Variants in RPSA2 observed in about 807,000 individuals in gnomAD.
RPSA2 encodes the protein ribosomal protein SA 2, also known as small ribosomal subunit protein uS2B.
chr19:23,769,986 G>T, the RPSA2 span, among the ~76,000 whole-genome samples: 1 of 152,124 alleles, frequency 6.6e-6, no homozygotes, highest in Non-Finnish European at 1.5e-5. Flanking sequence ...ACATATCACT[G>T]GGCCCAGCAC....
At chr19:23,836,985 A>G in the RPSA2 span, among the ~76,000 whole-genome samples, 1,656 of 152,144 alleles carry the variant, frequency 0.011, 33 homozygotes, top group African/African-American at 0.038. Context: ...TTTTTAGTTT[A>G]ATTAGGTCCC....
chr19:23,830,111 A>AT, the RPSA2 span, among the ~76,000 whole-genome samples: 26 of 150,124 alleles, frequency 1.7e-4, no homozygotes, highest in Admixed American at 5.3e-4. Context: ...CTTAATAGGT[A>AT]TTTTTTTTAA....
chr19:23,852,748 C>T, the RPSA2 span, among the ~76,000 whole-genome samples: 2 of 152,260 alleles, frequency 1.3e-5, no homozygotes, highest in Non-Finnish European at 1.5e-5. Context: ...AGTCTTGGGG[C>T]CAGTTTATGG....
the RPSA2 span, among the ~76,000 whole-genome samples, chr19:23,865,093 C>T: frequency 2.0e-5 from 3 of 152,074 alleles, no homozygotes; most frequent in African/African-American, 4.8e-5. Context: ...AGGAAGTGAA[C>T]GAGGAAGATC....
chr19:23,798,351 G>A, the RPSA2 span, among the ~76,000 whole-genome samples: 1 of 152,128 alleles, frequency 6.6e-6, no homozygotes, highest in Non-Finnish European at 1.5e-5. Flanking sequence ...AGCAAAAATA[G>A]TACAGTTTAT....
chr19:23,841,395 C>T, the RPSA2 span, among the ~76,000 whole-genome samples: 62 of 152,126 alleles, frequency 4.1e-4, no homozygotes, highest in Admixed American at 3.3e-3. Context: ...ACCTGAGGGG[C>T]GGAGCTTGCA....
the RPSA2 span, among the ~76,000 whole-genome samples, chr19:23,824,978 T>C: frequency 6.6e-6 from 1 of 151,848 alleles, no homozygotes; most frequent in African/African-American, 2.4e-5. Flanking sequence ...TTTGTTTTTG[T>C]TTTTGTTTTT....
chr19:23,852,093 T>A, the RPSA2 span, among the ~76,000 whole-genome samples: 2 of 152,152 alleles, frequency 1.3e-5, no homozygotes, highest in African/African-American at 4.8e-5. Flanking sequence ...AAGCGAAAAC[T>A]AGAAGCTGAA....
chr19:23,787,740 A>AT, the RPSA2 span, among the ~76,000 whole-genome samples: 3 of 152,126 alleles, frequency 2.0e-5, no homozygotes, highest in South Asian at 2.1e-4. Context: ...CATATGGTTG[A>AT]TTTTTTTCTT....
chr19:23,859,876 T>G, the RPSA2 span, among the ~76,000 whole-genome samples: 1 of 152,176 alleles, frequency 6.6e-6, no homozygotes, highest in Non-Finnish European at 1.5e-5. Context: ...AAAACCCTGT[T>G]AGGGAAGATT....
chr19:23,849,401 C>A, the RPSA2 span, among the ~76,000 whole-genome samples: 1 of 152,130 alleles, frequency 6.6e-6, no homozygotes, highest in East Asian at 1.9e-4. Flanking sequence ...AGATTGGCAT[C>A]AAAAAGAGGA....
At chr19:23,846,115 G>C in the RPSA2 span, among the ~76,000 whole-genome samples, 1 of 152,004 alleles carries the variant, frequency 6.6e-6, no homozygotes, top group Non-Finnish European at 1.5e-5. Context: ...TTTAAAGTCT[G>C]TTTTATTTGA....
the RPSA2 span, chr19:23,843,314 G>A: frequency 6.1e-6 from 1 of 163,752 alleles, no homozygotes; most frequent in Non-Finnish European, 1.4e-5. Context: ...ACAGACAAGA[G>A]GTACAAAGGT....
At chr19:23,869,438 T>C in the RPSA2 span, among the ~76,000 whole-genome samples, 4 of 152,286 alleles carry the variant, frequency 2.6e-5, no homozygotes, top group South Asian at 4.1e-4. Flanking sequence ...GCTGACTATA[T>C]GGAATGGATT....
At chr19:23,862,132 T>C in the RPSA2 span, among the ~76,000 whole-genome samples, 2 of 152,296 alleles carry the variant, frequency 1.3e-5, no homozygotes, top group African/African-American at 2.4e-5. Context: ...TTATTCTCTT[T>C]GAAGCAATTG....
At chr19:23,832,585 G>C in the RPSA2 span, 3 of 1,174,330 alleles carry the variant, frequency 2.6e-6, no homozygotes, top group African/African-American at 3.1e-5. Context: ...CTTTTAGCCA[G>C]TCCCCATACC....
the RPSA2 span, among the ~76,000 whole-genome samples, chr19:23,848,488 C>T: frequency 2.3e-5 from 1 of 43,494 alleles, no homozygotes; most frequent in Non-Finnish European, 4.7e-5. Context: ...GACTTTCTGC[C>T]ACCTGATCTA....
the RPSA2 span, among the ~76,000 whole-genome samples, chr19:23,811,531 C>A: frequency 6.7e-6 from 1 of 148,162 alleles, no homozygotes; most frequent in Non-Finnish European, 1.5e-5. Flanking sequence ...TTTTTTTTAT[C>A]TTGTTAATGT....
chr19:23,805,840 G>C, the RPSA2 span, among the ~76,000 whole-genome samples: 1 of 151,940 alleles, frequency 6.6e-6, no homozygotes. Context: ...TGATAGTCAA[G>C]GGTCTCTGAA....
Sources: gnomAD v4.1 joint callset for allele counts (sites outside exome capture counted in the v4.1 genomes callset) on GRCh38, gnomAD v4.1.1 for gene constraint, MANE v1.5 for transcripts, NCBI Gene and HGNC (gene_info 2026-07-23, HGNC 2026-07-21) for gene names.